The following KDM2B variants were observed in gnomAD, a reference collection of about 807,000 sequenced individuals.
KDM2B encodes lysine-specific demethylase 2B.
Under a neutral mutation model 150.0 loss-of-function variants are expected in KDM2B, and 26 were observed. The observed-to-expected ratio is 0.17, with a 90% confidence interval of 0.13 to 0.24. The LOEUF is 0.24. KDM2B is among the 10% of genes least tolerant of loss of function. KDM2B has a pLI of 1.00. For synonymous variants in KDM2B, 734 were observed against 729.5 expected (o/e 1.01, Z -0.10); for missense variants, 1,265 against 1,816.9 (o/e 0.70, Z 5.52).
At chr12:121,512,278 G>A (rs781810116) in intron 10 of KDM2B, among the ~76,000 whole-genome samples, 1 of 152,066 alleles carries the variant, frequency 6.6e-6, no homozygotes, top group Non-Finnish European at 1.5e-5. Context: ...GCGGGAATGA[G>A]GCTCGCGACA....
intron 22 of KDM2B, among the ~76,000 whole-genome samples, chr12:121,436,656 G>A (rs1196893237): frequency 2.6e-5 from 4 of 151,930 alleles, no homozygotes; most frequent in African/African-American, 9.7e-5. Flanking sequence ...CAGAAGGGGA[G>A]GAAGTTAAGA....
intron 11 of KDM2B, among the ~76,000 whole-genome samples, chr12:121,503,523 G>A (rs557935097): frequency 1.3e-5 from 2 of 152,082 alleles, no homozygotes; most frequent in South Asian, 4.1e-4. Context: ...TGTTGCCCAG[G>A]GTGGCCTCAA....
rs1245611719 is a variant in KDM2B at position 121,549,987 on chromosome 12, C to A, written c.398-349G>T. Among the ~76,000 whole-genome samples, 2 of 152,060 alleles carry A rather than the reference C, an allele frequency of 1.3e-5. No homozygotes were observed. Among genetic ancestry groups the A allele is most frequent in the Non-Finnish European group, 2.9e-5 (2 of 68,024 alleles). On this transcript the variant is annotated intron_variant, in intron 4 of 22. Transcript: ENST00000377071. The surrounding 1 kb of genome is among the most constrained non-coding windows in gnomAD (Gnocchi z 4.4). ...GGTCAGGAGTTTGAGACCAGCCTGGCCAACATGGTGAAACCCTGTATCTAC... is the reference window on the plus strand; with the variant it reads ...GGTCAGGAGTTTGAGACCAGCCTGGACAACATGGTGAAACCCTGTATCTAC...
rs373744723 is a variant in KDM2B at position 121,437,230 on chromosome 12, G to C, written c.3829+2627C>G. Among the ~76,000 whole-genome samples the C allele has an allele frequency of 2.6e-5, 4 of 152,210 alleles. No individual in the cohort carries two copies. In the East Asian group the frequency reaches 5.8e-4, roughly 22 times the overall value. On this transcript the variant is annotated intron_variant, in intron 22 of 22. Transcript: ENST00000377071. ...GATGAGTTGGGGGTGGGGAGGGGGA[G>C]AGCATTCAATTCTGTTGTACCATTT... is the stretch of plus-strand genomic sequence containing the variant.
chr12:121,567,066 G>A (rs1372014470), intron 4 of KDM2B, among the ~76,000 whole-genome samples: 1 of 151,922 alleles, frequency 6.6e-6, no homozygotes, highest in East Asian at 2.0e-4. Flanking sequence ...TGTATTTTTA[G>A]TAGAGACGAG....
chr12:121,529,637 A>C (rs1887455469), intron 8 of KDM2B, among the ~76,000 whole-genome samples: 1 of 151,116 alleles, frequency 6.6e-6, no homozygotes, highest in Admixed American at 6.6e-5. Context: ...GACCTAAAAT[A>C]CTCATCTAGG....
At position 121,521,191 on chromosome 12, in the gene KDM2B, A is replaced by G. The variant is rs751348433; in HGVS notation, c.932-91T>C. 8.9e-5 allele frequency: 75 copies of G among 842,118 alleles called. No individual in the cohort carries two copies. The highest frequency in any genetic ancestry group is 1.4e-4 in the Non-Finnish European group (70 of 508,498). The allele number at this position is 842,118 out of a possible 1,614,324, so 52.2% of individuals were successfully genotyped here. On this transcript the variant is annotated intron_variant, in intron 8 of 22. Transcript: ENST00000377071. This position sits in a 1 kb window ranked among gnomAD's most constrained non-coding sequence, Gnocchi z 4.9. ...CTGCAGGGAGGGAGAGCGAGCGTGC[A>G]GGAGGGTGCAGGGAGTGGAGAAGAG... is the stretch of plus-strand genomic sequence containing the variant.
chr12:121,532,482 CAGA>C (rs1179735458), intron 8 of KDM2B, among the ~76,000 whole-genome samples: 1 of 152,248 alleles, frequency 6.6e-6, no homozygotes, highest in African/African-American at 2.4e-5. Flanking sequence ...AGCCCTTCCC[CAGA>C]CCCTGCCTCA....
intron 12 of KDM2B, among the ~76,000 whole-genome samples, chr12:121,458,311 G>A (rs1878578076): frequency 6.6e-6 from 1 of 152,226 alleles, no homozygotes; most frequent in South Asian, 2.1e-4. Context: ...AGGAAGCAGA[G>A]GTTGCACTGA....
Position 121,468,361 on chromosome 12 carries a change from G to C in KDM2B, c.1735-15017C>G, listed in dbSNP as rs11065587. On this transcript the variant is annotated intron_variant, in intron 12 of 22. Transcript: ENST00000377071. The surrounding 1 kb of genome is among the most constrained non-coding windows in gnomAD (Gnocchi z 4.0). ...GGGCACTTAAGCCAGCAGCCTCTCT[G>C]AAAGAGCTCATGACCATGAGCTAGA... 0.015 allele frequency: 2,221 copies of C among 152,246 alleles called. 47 individuals carry two copies. The highest frequency in any genetic ancestry group is 0.12 in the East Asian group (646 of 5,180). The allele number at this position is 152,246 out of a possible 1,614,324, so 9.4% of individuals were successfully genotyped here.
At chr12:121,580,071 CAATTAATTGTCAACACT>C in intron 1 of KDM2B, 1 of 1,601,280 alleles carries the variant, frequency 6.2e-7, no homozygotes. Flanking sequence ...GAGAGTTCAC[CAATTAATTGTCAACACT>C]CCTGCCCCCT....
chr12:121,560,162 T>A (rs1002620528), intron 4 of KDM2B, among the ~76,000 whole-genome samples: 1 of 151,848 alleles, frequency 6.6e-6, no homozygotes, highest in Non-Finnish European at 1.5e-5. Flanking sequence ...TGAGTCACCA[T>A]GCCTGGCTTT....
intron 8 of KDM2B, among the ~76,000 whole-genome samples, chr12:121,522,410 G>A (rs941653811): frequency 1.3e-5 from 2 of 151,904 alleles, no homozygotes; most frequent in East Asian, 3.9e-4. Flanking sequence ...AGCTACTCAG[G>A]AGGCTGAGGC....
chr12:121,572,281 C>G (rs1594156987), intron 4 of KDM2B, among the ~76,000 whole-genome samples: 2 of 152,162 alleles, frequency 1.3e-5, no homozygotes, highest in African/African-American at 4.8e-5. Flanking sequence ...CCCTTCACCC[C>G]ACTTTAAAGC....
At chr12:121,443,851 G>A in intron 16 of KDM2B, 58 bp from the exon 17 acceptor site, 1 of 1,395,094 alleles carries the variant, frequency 7.2e-7, no homozygotes, top group Non-Finnish European at 9.9e-7. Flanking sequence ...TCCTTTCTTT[G>A]GGGCAGGGCT....
chr12:121,441,306 C>CTTTT (rs1874990079), intron 19 of KDM2B, 73 bp from the exon 20 acceptor site: 1 of 1,446,032 alleles, frequency 6.9e-7, no homozygotes, highest in Non-Finnish European at 9.5e-7. Flanking sequence ...CAGCTCTTAA[C>CTTTT]TGTCCCCACC....
chr12:121,473,567 A>G (rs1555296231), intron 12 of KDM2B, among the ~76,000 whole-genome samples: 2 of 151,028 alleles, frequency 1.3e-5, no homozygotes, highest in Non-Finnish European at 3.0e-5. Flanking sequence ...AAAAATACAA[A>G]AGTCAGCCAG....
intron 12 of KDM2B, among the ~76,000 whole-genome samples, chr12:121,464,286 A>T (rs560826617): frequency 9.2e-5 from 14 of 152,352 alleles, no homozygotes; most frequent in Non-Finnish European, 1.6e-4. Context: ...CCTTTAGGAG[A>T]CACCTCTTCA....
At chr12:121,416,464 TTC>T in the KDM2B span, 2 of 929,384 alleles carry the variant, frequency 2.2e-6, no homozygotes, top group Non-Finnish European at 3.4e-6. Context: ...GAATTTTCAT[TTC>T]TGTTTATAAA....
Sources: gnomAD v4.1 joint callset for allele counts (sites outside exome capture counted in the v4.1 genomes callset) on GRCh38, gnomAD v4.1.1 for gene constraint, Gnocchi (gnomAD v3.1) non-coding constraint, MANE v1.5 for transcripts, NCBI Gene and HGNC (gene_info 2026-07-23, HGNC 2026-07-21) for gene names.